ABCG1: variants seen among roughly 807,000 people sequenced by gnomAD.
ABCG1 encodes the protein ATP-binding cassette sub-family G member 1.
Under a neutral mutation model 69.2 loss-of-function variants are expected in ABCG1, and 29 were observed. The observed-to-expected ratio is 0.42, with a 90% CI of 0.31 to 0.57. The LOEUF is 0.57. Among genes scored for constraint, ABCG1 ranks in the 20% least tolerant of loss-of-function variants. The probability of loss-of-function intolerance (pLI) is 0.15; values close to 1 mark genes in which losing one functional copy is unlikely to be tolerated. For synonymous variants in ABCG1, 370 were observed against 374.8 expected (o/e 0.99, Z 0.15); for missense variants, 718 against 898.1 (o/e 0.80, Z 2.56).
At chr21:42,284,739 A>C in intron 7 of ABCG1, 56 bp downstream of exon 7, 2 of 1,588,766 alleles carry the variant, frequency 1.3e-6, no homozygotes, top group South Asian at 1.1e-5. Flanking sequence ...GGTCAGCCTG[A>C]ATGACACCAA....
At chr21:42,293,216 C>CACA (rs540745871) in intron 13 of ABCG1, among the ~76,000 whole-genome samples, 10,723 of 129,450 alleles carry the variant, frequency 0.083, 1,608 homozygotes, top group African/African-American at 0.28. Flanking sequence ...ACTGCATACA[C>CACA]ACACTACACA....
chr21:42,247,118 T>G (rs1239459491), intron 2 of ABCG1, among the ~76,000 whole-genome samples: 1 of 152,266 alleles, frequency 6.6e-6, no homozygotes, highest in African/African-American at 2.4e-5. Flanking sequence ...TGTGTCTTTC[T>G]CTGAGTAATT....
At chr21:42,210,977 T>G (rs2067583652) in intron 2 of ABCG1, among the ~76,000 whole-genome samples, 2 of 150,394 alleles carry the variant, frequency 1.3e-5, no homozygotes, top group African/African-American at 4.9e-5. Flanking sequence ...TTTTTTTTTT[T>G]GAGACCAAGT....
At chr21:42,290,942 GC>G in intron 11 of ABCG1, 149 bp from the exon 12 acceptor site, 1 of 619,258 alleles carries the variant, frequency 1.6e-6, no homozygotes, top group Non-Finnish European at 2.9e-6. Flanking sequence ...TTTCAGGCTA[GC>G]AAAACACATC....
Position 42,288,172 on chromosome 21 carries a change from A to C in ABCG1, c.1123-39A>C. On this transcript the variant is annotated intron_variant, in intron 9 of 14. Coordinates refer to ENST00000398449, the MANE Select transcript of ABCG1 (RefSeq NM_016818.3). This position sits in a 1 kb window ranked among gnomAD's most constrained non-coding sequence, Gnocchi z 4.8. ...GAGCAAGAAGGAGCCGTGGCTCCGG[A>C]CTGGCTTTCACCCGCTCCCCTCTTG... is the stretch of plus-strand genomic sequence containing the variant. The C allele has an allele frequency of 6.2e-7, 1 of 1,611,488 alleles. No homozygotes were observed. The highest frequency in any genetic ancestry group is 8.5e-7 in the Non-Finnish European group (1 of 1,177,596).
At position 42,285,997 on chromosome 21, in the gene ABCG1, A is replaced by T; in HGVS notation, c.973+3A>T. 6.2e-7 allele frequency: 1 copy of T among 1,603,780 alleles called. No individual in the cohort carries two copies. Among genetic ancestry groups the T allele is most frequent in the Non-Finnish European group, 8.5e-7 (1 of 1,170,590 alleles). On this transcript the variant is annotated splice_donor_region_variant and intron_variant, in intron 8 of 14. Coordinates refer to ENST00000398449, the MANE Select transcript of ABCG1 (RefSeq NM_016818.3). ...CTACCACAACCCAGCAGATTTTGGT[A>T]AGCGGAGTCCTGAGCAGCTCGGGGG...
At position 42,287,824 on chromosome 21, in the gene ABCG1, C is replaced by A. The variant is rs1197019418; in HGVS notation, c.974-65C>A. 1.1e-5 allele frequency: 16 copies of A among 1,471,784 alleles called. No individual in the cohort carries two copies. The highest frequency in any genetic ancestry group is 1.5e-5 in the Non-Finnish European group (16 of 1,098,524). The allele number at this position is 1,471,784 out of a possible 1,614,324, so 91.2% of individuals were successfully genotyped here. A position where few individuals can be genotyped will look rare whatever the true frequency, so the allele number is the denominator to read the frequency against. On this transcript the variant is annotated intron_variant, in intron 8 of 14. Transcript: ENST00000398449. This position sits in a 1 kb window ranked among gnomAD's most constrained non-coding sequence, Gnocchi z 6.2. ...ACATTCCCACTTGAATAACGACTTT[C>A]GCATTTGGGTGGTTGGGGTGTCCTT...
chr21:42,288,409 TA>T lies in ABCG1; in HGVS notation c.1224+98del. On this transcript the variant is annotated intron_variant, in intron 10 of 14. Coordinates refer to ENST00000398449, the MANE Select transcript of ABCG1 (RefSeq NM_016818.3). This position sits in a 1 kb window ranked among gnomAD's most constrained non-coding sequence, Gnocchi z 4.8. ...ATGTGTTCGTTCATTCTCACATTGC[TA>T]TAAAGAAATTCATGAGGCCAGGCAT... 1.1e-6 allele frequency: 1 copy of T among 907,796 alleles called. No homozygotes were observed. Among genetic ancestry groups the T allele is most frequent in the Non-Finnish European group, 1.7e-6 (1 of 584,518 alleles). The allele number at this position is 907,796 out of a possible 1,614,324, so 56.2% of individuals were successfully genotyped here. A position where few individuals can be genotyped will look rare whatever the true frequency, so the allele number is the denominator to read the frequency against.
At chr21:42,290,776 T>C (rs933485541) in intron 11 of ABCG1, among the ~76,000 whole-genome samples, 5 of 152,128 alleles carry the variant, frequency 3.3e-5, no homozygotes, top group South Asian at 2.1e-4. Flanking sequence ...AGGCACCACG[T>C]TGATGCAGAG....
At position 42,219,771 on chromosome 21, in the gene ABCG1, C is replaced by A; in HGVS notation, c.42+467C>A. ...ACTTCTCGCGCCATCCCCAGGAACGCCAGGCAAGGTCTGGGGGAACAAAAG... is the reference window on the plus strand; with the variant it reads ...ACTTCTCGCGCCATCCCCAGGAACGACAGGCAAGGTCTGGGGGAACAAAAG... On this transcript the variant is annotated intron_variant, in intron 1 of 14. Coordinates refer to ENST00000398449, the MANE Select transcript of ABCG1 (RefSeq NM_016818.3). This position sits in a 1 kb window ranked among gnomAD's most constrained non-coding sequence, Gnocchi z 5.3. The A allele has an allele frequency of 7.2e-7, 1 of 1,392,962 alleles. No individual in the cohort carries two copies. Among genetic ancestry groups the A allele is most frequent in the Non-Finnish European group, 9.3e-7 (1 of 1,071,050 alleles). 86.3% of individuals were successfully genotyped at this position (1,392,962 alleles called of 1,614,324 possible). A position where few individuals can be genotyped will look rare whatever the true frequency, so the allele number is the denominator to read the frequency against.
Position 42,220,063 on chromosome 21 carries a change from G to A in ABCG1, c.42+759G>A, listed in dbSNP as rs1464496337. On this transcript the variant is annotated intron_variant, in intron 1 of 14. Transcript: ENST00000398449. ...ACAGTTACTGTAAGTGCTGTTTCCA[G>A]GGGTGGTCAGGAATCTCCCTTTCTG... 6 of 1,546,770 alleles carry A rather than the reference G, an allele frequency of 3.9e-6. No homozygotes were observed. The South Asian group carries it at 4.8e-5, about 12-fold the overall frequency.
chr21:42,243,487 T>C (rs572095307), intron 2 of ABCG1, among the ~76,000 whole-genome samples: 22 of 144,372 alleles, frequency 1.5e-4, no homozygotes, highest in African/African-American at 3.7e-4. Flanking sequence ...TGTGTGTGTG[T>C]GTGCGCTGGT....
intron 6 of ABCG1, among the ~76,000 whole-genome samples, chr21:42,284,264 T>C (rs914543619): frequency 1.7e-5 from 2 of 114,604 alleles, no homozygotes; most frequent in Non-Finnish European, 4.0e-5. Context: ...GTGAAGTCCC[T>C]CCCTGCCCAG....
chr21:42,258,418 T>TC (rs1215481323), intron 2 of ABCG1, among the ~76,000 whole-genome samples: 2 of 125,510 alleles, frequency 1.6e-5, no homozygotes, highest in South Asian at 2.9e-4. Flanking sequence ...ACCTTCCATA[T>TC]CCCCCCCATC....
chr21:42,232,037 C>G (rs955321162), intron 2 of ABCG1, among the ~76,000 whole-genome samples: 1 of 152,190 alleles, frequency 6.6e-6, no homozygotes, highest in African/African-American at 2.4e-5. Flanking sequence ...TTCCTAGGTT[C>G]TCAGTGGCCC....
Position 42,291,308 on chromosome 21 carries a change from C to T in ABCG1, c.1494+116C>T. On this transcript the variant is annotated intron_variant, in intron 12 of 14. Coordinates refer to ENST00000398449, the MANE Select transcript of ABCG1 (RefSeq NM_016818.3). The surrounding 1 kb of genome is among the most constrained non-coding windows in gnomAD (Gnocchi z 6.4). ...GGGTGACATGGCCCGACTTCGGGAG[C>T]TCTGGTGGGAGCTGCGGGGAAGGGC... The T allele has an allele frequency of 2.6e-6, 3 of 1,168,794 alleles. No individual in the cohort carries two copies. Among genetic ancestry groups the T allele is most frequent in the Non-Finnish European group, 3.7e-6 (3 of 811,202 alleles). 72.4% of individuals were successfully genotyped at this position (1,168,794 alleles called of 1,614,324 possible).
chr21:42,255,600 G>A (rs762680488), intron 2 of ABCG1, among the ~76,000 whole-genome samples: 1 of 152,226 alleles, frequency 6.6e-6, no homozygotes, highest in Non-Finnish European at 1.5e-5. Context: ...CGCACGAGGA[G>A]GCTGAAACGC....
intron 1 of ABCG1, among the ~76,000 whole-genome samples, chr21:42,220,508 G>A (rs1050312016): frequency 7.9e-5 from 12 of 152,220 alleles, no homozygotes; most frequent in Admixed American, 7.2e-4. Flanking sequence ...TAGAACATAC[G>A]GAGCCTCGCC....
At chr21:42,247,698 G>A (rs1178410438) in intron 2 of ABCG1, among the ~76,000 whole-genome samples, 2 of 152,212 alleles carry the variant, frequency 1.3e-5, no homozygotes, top group African/African-American at 4.8e-5. Context: ...ATTAAGTTAA[G>A]GATGTCCAGA....
Sources: gnomAD v4.1 joint callset for allele counts (sites outside exome capture counted in the v4.1 genomes callset) on GRCh38, gnomAD v4.1.1 for gene constraint, Gnocchi (gnomAD v3.1) non-coding constraint, MANE v1.5 for transcripts, NCBI Gene and HGNC (gene_info 2026-07-23, HGNC 2026-07-21) for gene names.